The following CSMD3 variants were observed in gnomAD, a reference collection of about 807,000 sequenced individuals.
CSMD3 encodes CUB and sushi domain-containing protein 3.
Under a neutral mutation model 435.2 loss-of-function variants are expected in CSMD3, and 177 were observed. The observed-to-expected ratio is 0.41, with a 90% CI of 0.36 to 0.46. CSMD3 has a LOEUF of 0.46. CSMD3 is among the 20% of genes least tolerant of loss of function. The probability of loss-of-function intolerance (pLI) is 0.34; values close to 1 mark genes in which losing one functional copy is unlikely to be tolerated. For missense variants in CSMD3, 4,265 were observed against 4,504.6 expected (o/e 0.95, Z 1.52); for synonymous variants, 1,656 against 1,520.5 (o/e 1.09, Z -2.07).
intron 31 of CSMD3, among the ~76,000 whole-genome samples, chr8:112,476,104 GAT>G (rs1261440394): frequency 2.0e-5 from 3 of 152,194 alleles, no homozygotes; most frequent in Non-Finnish European, 2.9e-5. Context: ...GGAGTGCAAT[GAT>G]ATCATCTTGG....
intron 12 of CSMD3, among the ~76,000 whole-genome samples, chr8:112,817,617 C>CA (rs1221356672): frequency 4.0e-5 from 6 of 151,892 alleles, no homozygotes; most frequent in African/African-American, 1.5e-4. Flanking sequence ...TGGGAAAAAA[C>CA]ATCCTCCAAG....
At chr8:112,775,952 A>G (rs1311360147) in intron 13 of CSMD3, among the ~76,000 whole-genome samples, 1 of 151,912 alleles carries the variant, frequency 6.6e-6, no homozygotes, top group Non-Finnish European at 1.5e-5. Flanking sequence ...AGTATTTTGT[A>G]GGATTACAAC....
intron 32 of CSMD3, among the ~76,000 whole-genome samples, chr8:112,448,299 C>A (rs930797895): frequency 2.6e-5 from 4 of 152,126 alleles, no homozygotes; most frequent in Non-Finnish European, 5.9e-5. Context: ...AAACCTTAAT[C>A]ACCTCTTTAA....
intron 9 of CSMD3, among the ~76,000 whole-genome samples, chr8:112,942,609 A>C (rs2130774089): frequency 6.6e-6 from 1 of 151,936 alleles, no homozygotes; most frequent in Middle Eastern, 3.4e-3. Flanking sequence ...CTAACACAGG[A>C]ATAGAAAACC....
intron 32 of CSMD3, among the ~76,000 whole-genome samples, chr8:112,441,513 C>G (rs1357583868): frequency 6.6e-6 from 1 of 152,172 alleles, no homozygotes; most frequent in Non-Finnish European, 1.5e-5. Context: ...GGATGTCTTT[C>G]CAGCAGCACA....
At chr8:112,444,417 G>A (rs1160365484) in intron 32 of CSMD3, among the ~76,000 whole-genome samples, 2 of 152,192 alleles carry the variant, frequency 1.3e-5, no homozygotes, top group East Asian at 1.9e-4. Context: ...AGTGTTCACA[G>A]TGATGTGGTT....
At chr8:112,746,582 C>T (rs1287522491) in intron 13 of CSMD3, among the ~76,000 whole-genome samples, 2 of 152,186 alleles carry the variant, frequency 1.3e-5, no homozygotes, top group Admixed American at 6.5e-5. Context: ...CTGAACTTGT[C>T]TGATGTAATT....
chr8:112,385,561 A>C (rs1423065649), intron 36 of CSMD3, among the ~76,000 whole-genome samples: 3 of 151,986 alleles, frequency 2.0e-5, no homozygotes, highest in Non-Finnish European at 1.5e-5. Context: ...AGTGAAAGAC[A>C]ATTTCAATAT....
At chr8:113,116,222 C>G (rs1234442549) in intron 4 of CSMD3, among the ~76,000 whole-genome samples, 1 of 152,172 alleles carries the variant, frequency 6.6e-6, no homozygotes, top group Non-Finnish European at 1.5e-5. Flanking sequence ...CCATAATCAC[C>G]ACATGTCATG....
intron 4 of CSMD3, among the ~76,000 whole-genome samples, chr8:113,112,492 CA>C (rs2131603039): frequency 7.2e-6 from 1 of 139,740 alleles, no homozygotes; most frequent in South Asian, 2.4e-4. Flanking sequence ...CACACACACA[CA>C]CACACACACT....
intron 1 of CSMD3, among the ~76,000 whole-genome samples, chr8:113,320,475 C>A (rs1218411859): frequency 6.6e-6 from 1 of 151,970 alleles, no homozygotes; most frequent in Admixed American, 6.6e-5. Context: ...TTTTTTTGAG[C>A]GTGCTAAGGT....
chr8:112,684,188 T>C (rs1307719362), intron 15 of CSMD3, among the ~76,000 whole-genome samples: 7 of 152,026 alleles, frequency 4.6e-5, no homozygotes, highest in South Asian at 2.1e-4. Context: ...GATAGATGCA[T>C]ATACATGTCT....
At chr8:113,318,037 A>G (rs1006726535) in intron 1 of CSMD3, among the ~76,000 whole-genome samples, 1 of 152,060 alleles carries the variant, frequency 6.6e-6, no homozygotes, top group African/African-American at 2.4e-5. Context: ...TGTAAAAACA[A>G]CTCTGTACAT....
intron 9 of CSMD3, among the ~76,000 whole-genome samples, chr8:112,931,954 G>A (rs1402602911): frequency 6.6e-6 from 1 of 152,148 alleles, no homozygotes; most frequent in Non-Finnish European, 1.5e-5. Flanking sequence ...AACAAATGCT[G>A]GTGAGGATGC....
At chr8:112,250,130 G>T (rs988006071) in intron 63 of CSMD3, among the ~76,000 whole-genome samples, 6 of 151,752 alleles carry the variant, frequency 4.0e-5, no homozygotes, top group Admixed American at 1.3e-4. Flanking sequence ...TCTTTGAAGG[G>T]TATATTTGGG....
chr8:112,407,508 G>C (rs1831962954), intron 34 of CSMD3, among the ~76,000 whole-genome samples: 1 of 151,910 alleles, frequency 6.6e-6, no homozygotes, highest in African/African-American at 2.4e-5. Flanking sequence ...TTCTTCTTAT[G>C]CGACTTGAGT....
At chr8:112,606,320 C>A (rs1252415374) in intron 22 of CSMD3, among the ~76,000 whole-genome samples, 2 of 152,122 alleles carry the variant, frequency 1.3e-5, no homozygotes, top group Admixed American at 6.5e-5. Context: ...AATAGACTCA[C>A]TTCTATCTTG....
intron 32 of CSMD3, among the ~76,000 whole-genome samples, chr8:112,456,629 C>A (rs1816865860): frequency 6.6e-6 from 1 of 152,000 alleles, no homozygotes; most frequent in Non-Finnish European, 1.5e-5. Flanking sequence ...TATTACATTT[C>A]TTGTTGATAC....
At chr8:112,249,612 T>C (rs1250645238) in intron 63 of CSMD3, among the ~76,000 whole-genome samples, 1 of 152,108 alleles carries the variant, frequency 6.6e-6, no homozygotes, top group African/African-American at 2.4e-5. Context: ...GACCTTATTA[T>C]TCACCCATTA....
Sources: allele counts gnomAD v4.1 joint callset (sites outside exome capture counted in the v4.1 genomes callset), GRCh38; gene constraint gnomAD v4.1.1; transcripts MANE v1.5; gene names NCBI Gene and HGNC (gene_info 2026-07-23, HGNC 2026-07-21).